Variants in ZRANB3 observed in about 807,000 individuals in gnomAD.
ZRANB3 encodes zinc finger RANBP2-type containing 3, also known as DNA annealing helicase and endonuclease ZRANB3.
ZRANB3 carries 125 observed loss-of-function variants against 133.8 expected under a neutral mutation model. The ratio of observed to expected loss-of-function variants is 0.93; its 90% CI spans 0.81 to 1.08. The LOEUF is 1.08. ZRANB3 is among the 50% of genes least tolerant of loss of function. The pLI is 0.00. For synonymous variants in ZRANB3, 387 were observed against 432.7 expected (o/e 0.89, Z 1.31); for missense variants, 1,229 against 1,275.5 (o/e 0.96, Z 0.56).
intron 20 of ZRANB3, among the ~76,000 whole-genome samples, chr2:135,201,204 T>A (rs1693611455): frequency 6.6e-6 from 1 of 152,180 alleles, no homozygotes; most frequent in African/African-American, 2.4e-5. Context: ...TCTAAAAAAA[T>A]AATTACAGAA....
chr2:135,477,627 C>T (rs966472610), intron 2 of ZRANB3, among the ~76,000 whole-genome samples: 1 of 152,174 alleles, frequency 6.6e-6, no homozygotes, highest in Non-Finnish European at 1.5e-5. Flanking sequence ...CAGCTTTCCA[C>T]TAAGATCTTT....
chr2:135,402,661 A>G (rs1687792005), intron 2 of ZRANB3, among the ~76,000 whole-genome samples: 2 of 150,978 alleles, frequency 1.3e-5, no homozygotes, highest in Non-Finnish European at 2.9e-5. Context: ...ATCTTAGCTC[A>G]CTGCAACCTC....
At chr2:135,254,908 A>G (rs759605984) in intron 12 of ZRANB3, among the ~76,000 whole-genome samples, 161 of 151,856 alleles carry the variant, frequency 1.1e-3, no homozygotes, top group Non-Finnish European at 2.1e-3. Context: ...ACACCGCCAC[A>G]CCTAGCTAAT....
rs563394083 is a variant in ZRANB3 at position 135,199,945 on chromosome 2, T to G, written c.*397A>C. On this transcript the variant is annotated 3_prime_UTR_variant, in exon 21 of 21. Coordinates refer to ENST00000264159, the MANE Select transcript of ZRANB3 (RefSeq NM_032143.4). ...TTGCGTCTGAAATTTCCCATAAGGTTTTGCAATGTTCCACTCATACCTATG... is the reference window on the plus strand; with the variant it reads ...TTGCGTCTGAAATTTCCCATAAGGTGTTGCAATGTTCCACTCATACCTATG... The G allele has an allele frequency of 4.9e-6, 1 of 205,844 alleles. No homozygotes were observed. Among genetic ancestry groups the G allele is most frequent in the African/African-American group, 2.4e-5 (1 of 42,114 alleles). 12.8% of individuals were successfully genotyped at this position (205,844 alleles called of 1,614,324 possible). A position where few individuals can be genotyped will look rare whatever the true frequency, so the allele number is the denominator to read the frequency against.
chr2:135,344,789 T>A (rs1273997696), intron 6 of ZRANB3, among the ~76,000 whole-genome samples: 1 of 152,122 alleles, frequency 6.6e-6, no homozygotes, highest in Non-Finnish European at 1.5e-5. Context: ...GCTCTTTGAG[T>A]AACTGATATG....
intron 8 of ZRANB3, among the ~76,000 whole-genome samples, chr2:135,302,528 G>GTTT (rs34855515): frequency 7.1e-6 from 1 of 141,268 alleles, no homozygotes; most frequent in Non-Finnish European, 1.5e-5. Flanking sequence ...ACCAGGGTTT[G>GTTT]TTTTTTTTTT....
intron 17 of ZRANB3, among the ~76,000 whole-genome samples, chr2:135,216,117 C>G (rs1021688444): frequency 4.0e-5 from 6 of 150,634 alleles, no homozygotes; most frequent in African/African-American, 4.9e-5. Context: ...TATATTTACC[C>G]TTAACAATTT....
intron 8 of ZRANB3, among the ~76,000 whole-genome samples, chr2:135,301,386 A>C (rs1217444401): frequency 6.6e-6 from 1 of 151,974 alleles, no homozygotes; most frequent in Admixed American, 6.6e-5. Flanking sequence ...GAGTTTCACC[A>C]TGTTGGCCAG....
chr2:135,427,740 C>A (rs1574088417), intron 2 of ZRANB3, among the ~76,000 whole-genome samples: 1 of 152,036 alleles, frequency 6.6e-6, no homozygotes, highest in Non-Finnish European at 1.5e-5. Context: ...CTTGAATGCT[C>A]AAGGCAATTC....
chr2:135,244,844 G>A (rs1695715990), intron 12 of ZRANB3, among the ~76,000 whole-genome samples: 2 of 152,278 alleles, frequency 1.3e-5, no homozygotes, highest in South Asian at 4.1e-4. Flanking sequence ...TGAGAGGTAA[G>A]GTTAGCAGTG....
At chr2:135,298,153 G>A (rs368528335) in intron 8 of ZRANB3, among the ~76,000 whole-genome samples, 1 of 152,078 alleles carries the variant, frequency 6.6e-6, no homozygotes, top group Non-Finnish European at 1.5e-5. Context: ...GCTTGAACCC[G>A]GGAGGCAGAG....
At chr2:135,434,854 T>C (rs1689465200) in intron 2 of ZRANB3, among the ~76,000 whole-genome samples, 1 of 152,238 alleles carries the variant, frequency 6.6e-6, no homozygotes, top group Non-Finnish European at 1.5e-5. Flanking sequence ...TTATTTTCAT[T>C]ATCTGATTGT....
chr2:135,475,970 C>T (rs1691481444), intron 2 of ZRANB3, among the ~76,000 whole-genome samples: 1 of 151,994 alleles, frequency 6.6e-6, no homozygotes, highest in African/African-American at 2.4e-5. Context: ...CCCACTTACT[C>T]GGGAGGCTGA....
Position 135,492,429 on chromosome 2 carries a change from G to T in ZRANB3, c.161+11900C>A, listed in dbSNP as rs1692431790. On this transcript the variant is annotated intron_variant, in intron 2 of 20. Coordinates refer to ENST00000264159, the MANE Select transcript of ZRANB3 (RefSeq NM_032143.4). Reference sequence around the variant, plus strand: ...ATCACATTCAGAGGACGAAAGGAAAGAACTAAGTGATTTTATAATAAAGAA... The same window carrying T: ...ATCACATTCAGAGGACGAAAGGAAATAACTAAGTGATTTTATAATAAAGAA... 2.6e-5 allele frequency among the ~76,000 whole-genome samples: 4 copies of T among 152,234 alleles called. No individual in the cohort carries two copies. In the South Asian group the frequency reaches 8.3e-4, roughly 32 times the overall value.
chr2:135,348,853 C>CA (rs1223645440), intron 5 of ZRANB3, among the ~76,000 whole-genome samples: 1 of 152,114 alleles, frequency 6.6e-6, no homozygotes, highest in East Asian at 1.9e-4. Flanking sequence ...CTCGGCTTCC[C>CA]AAAGTGCTGG....
At chr2:135,246,021 CTTTTCT>C (rs1343010726) in intron 12 of ZRANB3, among the ~76,000 whole-genome samples, 11 of 126,012 alleles carry the variant, frequency 8.7e-5, no homozygotes, top group African/African-American at 3.3e-4. Context: ...CTTTTCTTTT[CTTTTCT>C]TTTCTTTCTT....
At chr2:135,309,176 T>C (rs1472112833) in intron 8 of ZRANB3, among the ~76,000 whole-genome samples, 1 of 151,820 alleles carries the variant, frequency 6.6e-6, no homozygotes, top group Non-Finnish European at 1.5e-5. Context: ...AGAGACGGGG[T>C]TTCACCGTGT....
chr2:135,510,451 T>C (rs1222567789), intron 1 of ZRANB3: 1 of 482,606 alleles, frequency 2.1e-6, no homozygotes, highest in Non-Finnish European at 3.8e-6. Context: ...TATAACAAAC[T>C]GGGGTCATAC....
intron 12 of ZRANB3, among the ~76,000 whole-genome samples, chr2:135,253,387 G>GGA (rs113792297): frequency 8.6e-5 from 13 of 151,308 alleles, no homozygotes; most frequent in Non-Finnish European, 1.2e-4. Flanking sequence ...GACAGGGAGT[G>GGA]GAGAGAGAGA....
Sources: allele counts gnomAD v4.1 joint callset (sites outside exome capture counted in the v4.1 genomes callset), GRCh38; gene constraint gnomAD v4.1.1; transcripts MANE v1.5; gene names NCBI Gene and HGNC (gene_info 2026-07-23, HGNC 2026-07-21).